Variants in TRIO observed in about 807,000 individuals in gnomAD.
TRIO encodes the protein triple functional domain protein.
A neutral mutation model predicts 351.9 loss-of-function variants in TRIO; 58 were observed. That is an observed-to-expected ratio of 0.16 (90% CI 0.13 to 0.21). The LOEUF (loss-of-function observed/expected upper bound fraction) is 0.21, where lower values mean the gene tolerates loss of function less well. Among genes scored for constraint, TRIO ranks in the 10% least tolerant of loss-of-function variants. TRIO has a pLI of 1.00. For missense variants in TRIO, 3,201 were observed against 4,027.8 expected (o/e 0.79, Z 5.56); for synonymous variants, 1,758 against 1,595.7 (o/e 1.10, Z -2.42).
At chr5:14,193,712 CAG>C (rs1487750022) in intron 1 of TRIO, among the ~76,000 whole-genome samples, 1 of 152,208 alleles carries the variant, frequency 6.6e-6, no homozygotes. Flanking sequence ...AGTCAGCTGT[CAG>C]AGAGTATCTC....
chr5:14,403,777 TGTG>T lies in TRIO; in HGVS notation c.4717-2067_4717-2065del, dbSNP rs368551081. 9.3e-3 allele frequency among the ~76,000 whole-genome samples: 206 copies of T among 22,100 alleles called. 3 individuals are homozygous for T. The highest frequency in any genetic ancestry group is 0.031 in the African/African-American group (112 of 3,654). 14.5% of individuals were successfully genotyped at this position (22,100 alleles called of 152,430 possible). A position where few individuals can be genotyped will look rare whatever the true frequency, so the allele number is the denominator to read the frequency against. On this transcript the variant is annotated intron_variant, in intron 31 of 56. Transcript: ENST00000344204. ...AGGTGGTGGTGGTGAGGGTGTAGGT[TGTG>T]GTGAGGGTGTAGGTTGTGGTGGTGA...
rs1338202098 is a variant in TRIO, at chr5:14,399,087, A to G, written c.4614+17A>G. 1.2e-6 allele frequency: 2 copies of G among 1,607,136 alleles called. No individual in the cohort carries two copies. The highest frequency in any genetic ancestry group is 1.7e-6 in the Non-Finnish European group (2 of 1,173,794). On this transcript the variant is annotated intron_variant, in intron 30 of 56. Transcript: ENST00000344204. The stretch of plus-strand genomic sequence containing the variant: ...AAATTGTTTGTAAGTATAGGCGTTC[A>G]GAATTGTAAGTCTAAAGGTAACACA...
intron 1 of TRIO, among the ~76,000 whole-genome samples, chr5:14,222,171 T>C (rs1439717665): frequency 2.6e-5 from 4 of 151,952 alleles, no homozygotes; most frequent in Admixed American, 6.6e-5. Flanking sequence ...ATAAAGTATT[T>C]TTAAATTAAG....
At chr5:14,210,957 C>T (rs1157043287) in intron 1 of TRIO, among the ~76,000 whole-genome samples, 11 of 152,264 alleles carry the variant, frequency 7.2e-5, no homozygotes, top group African/African-American at 2.4e-4. Context: ...CCATCTTCCC[C>T]ACTCCTGCCC....
chr5:14,439,409 C>A (rs967941149), intron 34 of TRIO, among the ~76,000 whole-genome samples: 2 of 152,238 alleles, frequency 1.3e-5, no homozygotes, highest in African/African-American at 4.8e-5. Context: ...ATCCTCTTTT[C>A]TTTCATAGAG....
At chr5:14,410,674 G>A (rs1421823809) in intron 33 of TRIO, among the ~76,000 whole-genome samples, 1 of 152,180 alleles carries the variant, frequency 6.6e-6, no homozygotes, top group Admixed American at 6.5e-5. Context: ...GTCGGGGGAT[G>A]TTTTTGACTC....
chr5:14,410,401 T>A (rs1749098861), intron 33 of TRIO, among the ~76,000 whole-genome samples: 1 of 152,210 alleles, frequency 6.6e-6, no homozygotes, highest in Non-Finnish European at 1.5e-5. Context: ...AAGGACTCCA[T>A]CCTTTCCCTA....
At chr5:14,219,226 CT>C (rs1349170116) in intron 1 of TRIO, among the ~76,000 whole-genome samples, 2 of 85,848 alleles carry the variant, frequency 2.3e-5, no homozygotes, top group African/African-American at 9.5e-5. Context: ...GATTTGCTTT[CT>C]TTTTCTATAA....
chr5:14,489,051 C>A (rs184084650), intron 48 of TRIO: 59 of 765,310 alleles, frequency 7.7e-5, no homozygotes, highest in Admixed American at 4.1e-4. Context: ...TGGCCCGTAA[C>A]ACTTTCCTGA....
chr5:14,153,588 T>C (rs1318835863), intron 1 of TRIO, among the ~76,000 whole-genome samples: 1 of 152,192 alleles, frequency 6.6e-6, no homozygotes, highest in Non-Finnish European at 1.5e-5. Flanking sequence ...TTTCCTTGGA[T>C]AGAAGCAGCT....
chr5:14,503,000 T>C (rs1420544857), intron 54 of TRIO, among the ~76,000 whole-genome samples: 1 of 152,256 alleles, frequency 6.6e-6, no homozygotes, highest in Admixed American at 6.5e-5. Flanking sequence ...AATCCTCTTG[T>C]GCCCTTCACG....
intron 53 of TRIO, 71 bp from the exon 54 acceptor site, chr5:14,502,508 C>T (rs893318712): frequency 1.6e-5 from 24 of 1,513,836 alleles, no homozygotes; most frequent in African/African-American, 4.1e-5. Flanking sequence ...AGGGACAGTG[C>T]GTGGCGATAG....
intron 34 of TRIO, among the ~76,000 whole-genome samples, chr5:14,425,848 C>A (rs2152393838): frequency 6.6e-6 from 1 of 152,310 alleles, no homozygotes; most frequent in East Asian, 1.9e-4. Flanking sequence ...GCGCCTGGAT[C>A]TCAGACTTCC....
At chr5:14,252,650 T>G (rs1427562053) in intron 1 of TRIO, among the ~76,000 whole-genome samples, 1 of 152,220 alleles carries the variant, frequency 6.6e-6, no homozygotes, top group African/African-American at 2.4e-5. Flanking sequence ...AAACTGACCT[T>G]TCTAGATCCG....
chr5:14,180,691 G>T (rs1182154172), intron 1 of TRIO, among the ~76,000 whole-genome samples: 1 of 152,120 alleles, frequency 6.6e-6, no homozygotes, highest in East Asian at 1.9e-4. Context: ...AAAGCTGGGT[G>T]TGGTGGCACG....
chr5:14,166,217 G>A (rs1788754918), intron 1 of TRIO, among the ~76,000 whole-genome samples: 3 of 152,146 alleles, frequency 2.0e-5, no homozygotes, highest in Non-Finnish European at 4.4e-5. Flanking sequence ...TGCCTGGGGG[G>A]CACCCCCTTC....
chr5:14,379,168 TGCCTTAAA>T (rs1561415367), intron 20 of TRIO, among the ~76,000 whole-genome samples: 1 of 151,930 alleles, frequency 6.6e-6, no homozygotes, highest in Non-Finnish European at 1.5e-5. Context: ...CTGGTCTGGG[TGCCTTAAA>T]GTCCCCCAGG....
chr5:14,224,087 G>C (rs971576595), intron 1 of TRIO, among the ~76,000 whole-genome samples: 1 of 152,016 alleles, frequency 6.6e-6, no homozygotes, highest in Non-Finnish European at 1.5e-5. Flanking sequence ...GTTTTATTTT[G>C]AGAATTTTAT....
At chr5:14,335,824 G>T (rs1347560510) in intron 10 of TRIO, among the ~76,000 whole-genome samples, 2 of 152,010 alleles carry the variant, frequency 1.3e-5, no homozygotes, top group African/African-American at 4.8e-5. Context: ...ATTTAGCTGG[G>T]CATGGTAGCG....
Sources: allele counts gnomAD v4.1 joint callset (sites outside exome capture counted in the v4.1 genomes callset), GRCh38; gene constraint gnomAD v4.1.1; transcripts MANE v1.5; gene names NCBI Gene and HGNC (gene_info 2026-07-23, HGNC 2026-07-21).